Variants in DLG2 observed in about 807,000 individuals in gnomAD.
The protein encoded by DLG2 is disks large homolog 2.
In DLG2, 45 loss-of-function variants were observed where a neutral mutation model predicts 132.5. That is an observed-to-expected ratio of 0.34 (90% CI 0.27 to 0.44). The LOEUF (loss-of-function observed/expected upper bound fraction) is 0.44. Among genes scored for constraint, DLG2 ranks in the 20% least tolerant of loss-of-function variants. The pLI is 1.00. For synonymous variants in DLG2, 424 were observed against 419.6 expected (o/e 1.01, Z -0.13); for missense variants, 1,045 against 1,196.9 (o/e 0.87, Z 1.87).
At chr11:84,938,692 C>G (rs2049031672) in intron 6 of DLG2, among the ~76,000 whole-genome samples, 1 of 152,194 alleles carries the variant, frequency 6.6e-6, no homozygotes, top group African/African-American at 2.4e-5. Flanking sequence ...CAATCCACAG[C>G]TGGCCACATC....
chr11:83,519,580 T>C (rs2095411187), intron 21 of DLG2, among the ~76,000 whole-genome samples: 1 of 152,230 alleles, frequency 6.6e-6, no homozygotes, highest in Non-Finnish European at 1.5e-5. Flanking sequence ...CCTCATGGGA[T>C]TCTTGTGAAG....
Position 83,907,643 on chromosome 11 carries a change from G to A in DLG2, c.1496+22685C>T, listed in dbSNP as rs79890308. Among the ~76,000 whole-genome samples, 735 of 152,152 alleles carry A rather than the reference G, an allele frequency of 4.8e-3. 13 individuals are homozygous for A. In the East Asian group the frequency reaches 0.08, roughly 17 times the overall value. On this transcript the variant is annotated intron_variant, in intron 15 of 27. Coordinates refer to ENST00000376104, the MANE Select transcript of DLG2 (RefSeq NM_001142699.3). ...ATGTAACAGGTTTATCCCAGTGCTG[G>A]CCCATCAACATGCTCAATAATGGTC...
At chr11:85,276,818 C>G (rs1327790211) in intron 4 of DLG2, among the ~76,000 whole-genome samples, 1 of 152,132 alleles carries the variant, frequency 6.6e-6, no homozygotes, top group Admixed American at 6.6e-5. Context: ...CTAAAAAGCT[C>G]TGAACCATAT....
intron 7 of DLG2, among the ~76,000 whole-genome samples, chr11:84,487,669 A>T (rs1397986704): frequency 6.6e-6 from 1 of 152,148 alleles, no homozygotes; most frequent in Admixed American, 6.6e-5. Context: ...AAAAGCTAGT[A>T]AGAATGTTAA....
chr11:84,308,642 CG>C (rs1384060680), intron 7 of DLG2, among the ~76,000 whole-genome samples: 4 of 152,026 alleles, frequency 2.6e-5, no homozygotes, highest in Non-Finnish European at 4.4e-5. Context: ...CAGGAGCTCA[CG>C]GAGTGGGGGA....
intron 11 of DLG2, among the ~76,000 whole-genome samples, chr11:84,044,163 A>G (rs970118033): frequency 2.0e-5 from 3 of 151,660 alleles, no homozygotes; most frequent in Non-Finnish European, 4.4e-5. Flanking sequence ...AAGTTATTAA[A>G]CCTCCAAACT....
chr11:85,287,280 G>GA (rs2078617556), intron 3 of DLG2, among the ~76,000 whole-genome samples: 3 of 151,790 alleles, frequency 2.0e-5, no homozygotes, highest in African/African-American at 7.3e-5. Context: ...CACAGACAAA[G>GA]GAACAGTATC....
At chr11:84,300,887 T>C (rs1464633565) in intron 7 of DLG2, among the ~76,000 whole-genome samples, 1 of 152,236 alleles carries the variant, frequency 6.6e-6, no homozygotes, top group Non-Finnish European at 1.5e-5. Context: ...CAAATAGTTT[T>C]AGAAGCAATT....
chr11:85,364,525 A>G (rs956782494), intron 3 of DLG2, among the ~76,000 whole-genome samples: 1 of 152,174 alleles, frequency 6.6e-6, no homozygotes, highest in Admixed American at 6.5e-5. Flanking sequence ...AGTGAGATTA[A>G]GGTACTAGCT....
chr11:85,486,183 G>C (rs111347643), intron 3 of DLG2, among the ~76,000 whole-genome samples: 1 of 151,940 alleles, frequency 6.6e-6, no homozygotes, highest in Non-Finnish European at 1.5e-5. Flanking sequence ...GCAGCTGCCA[G>C]TCCAAAAAGG....
intron 8 of DLG2, among the ~76,000 whole-genome samples, chr11:84,184,083 A>G (rs1461473177): frequency 4.6e-5 from 7 of 152,172 alleles, no homozygotes; most frequent in Non-Finnish European, 8.8e-5. Context: ...TCCTTTGGGT[A>G]TATACCCAGT....
At chr11:85,220,493 T>A (rs1488414021) in intron 4 of DLG2, among the ~76,000 whole-genome samples, 2 of 151,922 alleles carry the variant, frequency 1.3e-5, no homozygotes, top group Non-Finnish European at 2.9e-5. Flanking sequence ...TGGGGGGTAA[T>A]GGAGGATAGT....
chr11:84,597,313 C>T (rs1375722790), intron 6 of DLG2, among the ~76,000 whole-genome samples: 6 of 152,170 alleles, frequency 3.9e-5, no homozygotes, highest in African/African-American at 1.4e-4. Context: ...GCATTAATTA[C>T]AAGGAGGGAT....
At chr11:83,571,206 G>GT (rs1165531674) in intron 19 of DLG2, among the ~76,000 whole-genome samples, 17 of 150,234 alleles carry the variant, frequency 1.1e-4, no homozygotes, top group African/African-American at 4.0e-4. Context: ...AATAAATATG[G>GT]GTTTTTTTCT....
chr11:84,024,217 A>G (rs546656773), intron 11 of DLG2, among the ~76,000 whole-genome samples: 1 of 152,258 alleles, frequency 6.6e-6, no homozygotes, highest in South Asian at 2.1e-4. Flanking sequence ...ACTCTCTCAT[A>G]TGGTAAAAAA....
intron 17 of DLG2, among the ~76,000 whole-genome samples, chr11:83,815,635 T>C (rs890928001): frequency 2.0e-5 from 3 of 152,122 alleles, no homozygotes; most frequent in African/African-American, 7.2e-5. Context: ...GAGCAGAGAA[T>C]GGAAGAAAGT....
intron 2 of DLG2, among the ~76,000 whole-genome samples, chr11:85,619,554 C>T (rs2081560225): frequency 6.6e-6 from 1 of 152,000 alleles, no homozygotes; most frequent in African/African-American, 2.4e-5. Flanking sequence ...ACATGTGCAG[C>T]CATATGCAGT....
intron 19 of DLG2, among the ~76,000 whole-genome samples, chr11:83,622,883 G>A (rs1240885773): frequency 1.3e-5 from 2 of 152,142 alleles, no homozygotes; most frequent in African/African-American, 2.4e-5. Context: ...TATATCCTGT[G>A]TTTGATGGGT....
chr11:85,228,672 A>G (rs1038198418), intron 4 of DLG2, among the ~76,000 whole-genome samples: 2 of 151,836 alleles, frequency 1.3e-5, no homozygotes, highest in African/African-American at 4.8e-5. Context: ...TGGCTGTTAC[A>G]TAGCTTATCC....
Sources: gnomAD v4.1 joint callset for allele counts (sites outside exome capture counted in the v4.1 genomes callset) on GRCh38, gnomAD v4.1.1 for gene constraint, MANE v1.5 for transcripts, NCBI Gene and HGNC (gene_info 2026-07-23, HGNC 2026-07-21) for gene names.